SHOC2: variants seen among roughly 807,000 people sequenced by gnomAD.
The protein encoded by SHOC2 is leucine-rich repeat protein SHOC-2.
SHOC2 carries 4 observed loss-of-function variants against 50.2 expected under a neutral mutation model. The ratio of observed to expected loss-of-function variants is 0.08; its 90% confidence interval spans 0.04 to 0.18. The LOEUF (loss-of-function observed/expected upper bound fraction) is 0.18, where lower values mean the gene tolerates loss of function less well. Among genes scored for constraint, SHOC2 ranks in the 10% least tolerant of loss-of-function variants. SHOC2 has a pLI of 1.00. For missense variants in SHOC2, 388 were observed against 669.6 expected (o/e 0.58, Z 4.64); for synonymous variants, 218 against 244.5 (o/e 0.89, Z 1.01).
Position 111,011,885 on chromosome 10 carries a change from G to T in SHOC2, c.*67G>T, listed in dbSNP as rs1040144710. ...CCATTAATGTTTCTTATCTATATCT[G>T]TATCTATTTATGTAGATATTGGTAT... On this transcript the variant is annotated 3_prime_UTR_variant, in exon 9 of 9. Transcript: ENST00000369452. 4.0e-5 allele frequency: 50 copies of T among 1,248,012 alleles called. No homozygotes were observed. The highest frequency in any genetic ancestry group is 1.7e-4 in the Admixed American group (10 of 58,578). The allele number at this position is 1,248,012 out of a possible 1,614,324, so 77.3% of individuals were successfully genotyped here.
At chr10:110,983,834 A>G (rs1848029268) in intron 2 of SHOC2, among the ~76,000 whole-genome samples, 1 of 152,172 alleles carries the variant, frequency 6.6e-6, no homozygotes. Context: ...ATCCATGTTT[A>G]GCACCTATCA....
intron 1 of SHOC2, among the ~76,000 whole-genome samples, chr10:110,948,392 G>T (rs894246431): frequency 6.6e-6 from 1 of 152,130 alleles, no homozygotes; most frequent in South Asian, 2.1e-4. Flanking sequence ...CCAAATGGAC[G>T]TAACAGGCAT....
At chr10:110,965,681 A>G (rs1847660612) in intron 2 of SHOC2, among the ~76,000 whole-genome samples, 1 of 152,192 alleles carries the variant, frequency 6.6e-6, no homozygotes, top group Non-Finnish European at 1.5e-5. Flanking sequence ...GCTAATTTTC[A>G]TTCCAGTCTT....
chr10:110,930,594 TTAAA>T (rs1846873659), intron 1 of SHOC2, among the ~76,000 whole-genome samples: 1 of 152,248 alleles, frequency 6.6e-6, no homozygotes, highest in East Asian at 1.9e-4. Flanking sequence ...ACACTGGTAA[TTAAA>T]TAGCCTTTTT....
chr10:110,933,400 T>G (rs1428432515), intron 1 of SHOC2, among the ~76,000 whole-genome samples: 1 of 152,060 alleles, frequency 6.6e-6, no homozygotes, highest in Non-Finnish European at 1.5e-5. Flanking sequence ...AAAGAAAAAT[T>G]AACAGTAAAT....
At position 110,934,978 on chromosome 10, in the gene SHOC2, T is replaced by C. The variant is rs1404959388; in HGVS notation, c.-235+15321T>C. ...CCAGTTTCTGCTCCTGGGAAACTAC[T>C]ATGAGTTTATTCATCCTTCTGCACA... is the stretch of plus-strand genomic sequence containing the variant. On this transcript the variant is annotated intron_variant, in intron 1 of 8. Coordinates refer to ENST00000369452, the MANE Select transcript of SHOC2 (RefSeq NM_007373.4). Among the ~76,000 whole-genome samples, 3 of 152,262 alleles carry C rather than the reference T, an allele frequency of 2.0e-5. No individual in the cohort carries two copies. The East Asian group carries it at 5.8e-4, about 29-fold the overall frequency.
chr10:110,936,095 ATTTTT>A (rs11422342), intron 1 of SHOC2, among the ~76,000 whole-genome samples: 1 of 129,890 alleles, frequency 7.7e-6, no homozygotes. Context: ...TGCTTCACTG[ATTTTT>A]TTTTTTTTTT....
chr10:110,964,209 A>C lies in SHOC2; in HGVS notation c.-150A>C. ...AAATGGGCATAGTGCTTTTAGATCC[A>C]ACATGTAACAGATGGATGTTACTCC... On this transcript the variant is annotated 5_prime_UTR_variant, in exon 2 of 9. Transcript: ENST00000369452. This position sits in a 1 kb window ranked among gnomAD's most constrained non-coding sequence, Gnocchi z 4.9. The C allele has an allele frequency of 8.1e-7, 1 of 1,227,548 alleles. No individual in the cohort carries two copies. Among genetic ancestry groups the C allele is most frequent in the African/African-American group, 1.5e-5 (1 of 65,382 alleles). The allele number at this position is 1,227,548 out of a possible 1,614,324, so 76.0% of individuals were successfully genotyped here.
At position 110,935,886 on chromosome 10, in the gene SHOC2, A is replaced by G. The variant is rs986572553; in HGVS notation, c.-235+16229A>G. Among the ~76,000 whole-genome samples, 3 of 152,210 alleles carry G rather than the reference A, an allele frequency of 2.0e-5. No individual in the cohort carries two copies. In the South Asian group the frequency reaches 6.2e-4, roughly 32 times the overall value. ...AACAATTACATTATATTCTATAGCC[A>G]TAGCCATAGTTTTAGACCAATAGTT... On this transcript the variant is annotated intron_variant, in intron 1 of 8. Coordinates refer to ENST00000369452, the MANE Select transcript of SHOC2 (RefSeq NM_007373.4).
chr10:110,966,047 TATA>T (rs544913608), intron 2 of SHOC2, among the ~76,000 whole-genome samples: 2 of 152,102 alleles, frequency 1.3e-5, no homozygotes, highest in Non-Finnish European at 2.9e-5. Context: ...GCATTGGTCT[TATA>T]ATGAGTGATA....
intron 1 of SHOC2, among the ~76,000 whole-genome samples, chr10:110,933,060 C>A (rs928300266): frequency 6.6e-6 from 1 of 151,982 alleles, no homozygotes; most frequent in East Asian, 1.9e-4. Context: ...ATATTAAGTT[C>A]TTTATGGGTA....
intron 2 of SHOC2, among the ~76,000 whole-genome samples, chr10:110,970,733 T>G (rs1426013218): frequency 2.1e-5 from 3 of 139,702 alleles, no homozygotes; most frequent in African/African-American, 7.4e-5. Flanking sequence ...GATGATGTTT[T>G]TTTTTTTTTT....
intron 3 of SHOC2, among the ~76,000 whole-genome samples, chr10:110,996,141 G>C (rs572319069): frequency 6.6e-6 from 1 of 152,338 alleles, no homozygotes; most frequent in Non-Finnish European, 1.5e-5. Context: ...ACAATAAGTA[G>C]CTAGCTTGAT....
chr10:110,928,914 A>T (rs1379762196), intron 1 of SHOC2, among the ~76,000 whole-genome samples: 3 of 152,040 alleles, frequency 2.0e-5, no homozygotes, highest in African/African-American at 2.4e-5. Flanking sequence ...CAGCTGTATA[A>T]CTCCTGTAGA....
At chr10:110,991,484 T>C (rs1335920526) in intron 3 of SHOC2, among the ~76,000 whole-genome samples, 2 of 152,220 alleles carry the variant, frequency 1.3e-5, no homozygotes, top group Non-Finnish European at 2.9e-5. Context: ...TAAATAACAT[T>C]GCATTTACTT....
chr10:111,009,398 CT>C lies in SHOC2; in HGVS notation c.1422+14del. Reference sequence around the variant, plus strand: ...TAAGGATTTACAGGTAAACATTATGCTGATTTTGTAGTTTTATAAAGTTTTT... The same window carrying C: ...TAAGGATTTACAGGTAAACATTATGCGATTTTGTAGTTTTATAAAGTTTTT... On this transcript the variant is annotated intron_variant, in intron 7 of 8. Transcript: ENST00000369452. The C allele has an allele frequency of 6.3e-7, 1 of 1,599,936 alleles. No homozygotes were observed. The highest frequency in any genetic ancestry group is 8.6e-7 in the Non-Finnish European group (1 of 1,168,098).
chr10:110,923,425 T>C (rs1444747541), intron 1 of SHOC2, among the ~76,000 whole-genome samples: 1 of 152,146 alleles, frequency 6.6e-6, no homozygotes, highest in East Asian at 1.9e-4. Context: ...CCCCCGGGTC[T>C]CAACTTTTTA....
intron 3 of SHOC2, among the ~76,000 whole-genome samples, chr10:110,991,774 C>G (rs1848190608): frequency 6.6e-6 from 1 of 152,156 alleles, no homozygotes; most frequent in South Asian, 2.1e-4. Context: ...TTTTCACTCT[C>G]ATTTATTGAA....
intron 3 of SHOC2, among the ~76,000 whole-genome samples, chr10:110,994,999 A>G (rs1848245647): frequency 6.6e-6 from 1 of 152,248 alleles, no homozygotes; most frequent in South Asian, 2.1e-4. Context: ...ATTATGTCCA[A>G]TAAAGTCTGT....
Sources: allele counts gnomAD v4.1 joint callset (sites outside exome capture counted in the v4.1 genomes callset), GRCh38; gene constraint gnomAD v4.1.1; non-coding constraint Gnocchi (gnomAD v3.1); transcripts MANE v1.5; gene names NCBI Gene and HGNC (gene_info 2026-07-23, HGNC 2026-07-21).